The following PCDHA13 variants were observed in gnomAD, a reference collection of about 807,000 sequenced individuals.
PCDHA13 encodes protocadherin alpha-13.
A neutral mutation model predicts 64.8 loss-of-function variants in PCDHA13; 54 were observed. The observed-to-expected ratio is 0.83, with a 90% CI of 0.67 to 1.04. The LOEUF (loss-of-function observed/expected upper bound fraction) is 1.04. PCDHA13 is among the 50% of genes least tolerant of loss of function. The pLI is 0.00. For missense variants in PCDHA13, 1,248 were observed against 1,254.3 expected, an observed-to-expected ratio of 0.99 and a Z score of 0.08; for synonymous variants, 587 against 564.4, an observed-to-expected ratio of 1.04 and a Z score of -0.57.
chr5:140,948,016 C>CTTTTT (rs72028473), intron 1 of PCDHA13, among the ~76,000 whole-genome samples: 13 of 30,044 alleles, frequency 4.3e-4, no homozygotes, highest in Non-Finnish European at 6.9e-4. Context: ...AGGAAGTACC[C>CTTTTT]TTTCTGGTTT....
chr5:140,915,138 G>A (rs139042327), intron 1 of PCDHA13, among the ~76,000 whole-genome samples: 2,353 of 151,838 alleles, frequency 0.015, 60 homozygotes, highest in African/African-American at 0.053. Context: ...TAGTAGAGAC[G>A]GGGTTTCACC....
intron 1 of PCDHA13, among the ~76,000 whole-genome samples, chr5:140,912,626 G>A (rs189482006): frequency 6.6e-6 from 1 of 152,190 alleles, no homozygotes; most frequent in East Asian, 1.9e-4. Context: ...CTCTGGATGA[G>A]ACTTTCAGTA....
intron 1 of PCDHA13, among the ~76,000 whole-genome samples, chr5:140,897,136 A>G (rs1206983852): frequency 6.6e-6 from 1 of 152,096 alleles, no homozygotes; most frequent in Admixed American, 6.5e-5. Context: ...TAAACTTTCT[A>G]GCCTTTGTTA....
In PCDHA13 at chr5:140,904,790, G is replaced by T. The variant is rs139747501; in HGVS notation, c.2394+20128G>T. 2.6e-3 allele frequency among the ~76,000 whole-genome samples: 392 copies of T among 152,018 alleles called. 4 individuals carry two copies. In the East Asian group the frequency reaches 0.045, roughly 17 times the overall value. The stretch of plus-strand genomic sequence containing the variant: ...TGGTATCACATTATTGTTTTAATTT[G>T]CATTTTCCTGATAATTAGTGATGTT... On this transcript the variant is annotated intron_variant, in intron 1 of 3. Coordinates refer to ENST00000289272, the MANE Select transcript of PCDHA13 (RefSeq NM_018904.3).
intron 1 of PCDHA13, chr5:140,968,791 C>G (rs2096270570): frequency 2.5e-6 from 4 of 1,614,076 alleles, no homozygotes; most frequent in Non-Finnish European, 3.4e-6. Flanking sequence ...CCTCTGTGGC[C>G]ATTACAGTAG....
intron 1 of PCDHA13, among the ~76,000 whole-genome samples, chr5:140,940,028 G>C (rs782276273): frequency 3.2e-4 from 48 of 152,048 alleles, no homozygotes; most frequent in Non-Finnish European, 5.4e-4. Context: ...ATGTTTTAAG[G>C]CTATTTTATT....
intron 1 of PCDHA13, among the ~76,000 whole-genome samples, chr5:140,910,364 TATGCCCACCTTGCC>T: frequency 6.6e-6 from 1 of 152,222 alleles, no homozygotes; most frequent in Admixed American, 6.5e-5. Context: ...TTATGGTAGC[TATGCCCACCTTGCC>T]TTTGACAGTT....
At chr5:140,967,331 C>T (rs2096128497) in intron 1 of PCDHA13, 1 of 1,608,078 alleles carries the variant, frequency 6.2e-7, no homozygotes, top group African/African-American at 1.3e-5. Context: ...CGAGCTCAGC[C>T]CCAGCGAGCA....
intron 1 of PCDHA13, among the ~76,000 whole-genome samples, chr5:140,899,689 C>A (rs1033793263): frequency 4.6e-5 from 7 of 152,254 alleles, no homozygotes; most frequent in Admixed American, 4.6e-4. Flanking sequence ...ATGATGCTGG[C>A]CTCATAAAAT....
At chr5:140,967,844 G>A in intron 1 of PCDHA13, 1 of 1,614,178 alleles carries the variant, frequency 6.2e-7, no homozygotes, top group Non-Finnish European at 8.5e-7. Flanking sequence ...GGACGTGAAT[G>A]ACAATGCCCC....
At chr5:141,009,538 C>T (rs1159631714) in intron 3 of PCDHA13, 89 bp from the exon 4 acceptor site, 11 of 1,522,362 alleles carry the variant, frequency 7.2e-6, no homozygotes, top group African/African-American at 1.4e-5. Context: ...GTTCAGCCTG[C>T]CTATGCAGTA....
chr5:141,007,277 C>T (rs2098312243), intron 3 of PCDHA13, among the ~76,000 whole-genome samples: 1 of 151,304 alleles, frequency 6.6e-6, no homozygotes, highest in Non-Finnish European at 1.5e-5. Context: ...AGGCTGGGTG[C>T]AGTGGGCTCA....
chr5:140,927,422 T>G, intron 1 of PCDHA13: 1 of 1,614,028 alleles, frequency 6.2e-7, no homozygotes. Context: ...GGATCGCGGG[T>G]TGACGGCAGC....
chr5:140,916,957 T>C (rs1478651535), intron 1 of PCDHA13, among the ~76,000 whole-genome samples: 1 of 152,224 alleles, frequency 6.6e-6, no homozygotes, highest in African/African-American at 2.4e-5. Context: ...TGCTGAGTTC[T>C]GACTGCTGGG....
At chr5:140,977,356 TA>T (rs2096758024) in intron 1 of PCDHA13, among the ~76,000 whole-genome samples, 1 of 152,250 alleles carries the variant, frequency 6.6e-6, no homozygotes, top group South Asian at 2.1e-4. Flanking sequence ...GACTGATTGA[TA>T]AAAAGTATTT....
intron 1 of PCDHA13, among the ~76,000 whole-genome samples, chr5:140,909,031 A>G (rs782567758): frequency 7.9e-5 from 12 of 152,106 alleles, no homozygotes; most frequent in Non-Finnish European, 1.6e-4. Flanking sequence ...TTAGTCATTT[A>G]TTTTCCATAC....
intron 1 of PCDHA13, among the ~76,000 whole-genome samples, chr5:140,904,695 G>A (rs1276696069): frequency 2.0e-5 from 3 of 152,024 alleles, no homozygotes; most frequent in Admixed American, 2.0e-4. Flanking sequence ...GTGTAAAATT[G>A]TTCCCTTTTC....
intron 1 of PCDHA13, among the ~76,000 whole-genome samples, chr5:140,921,194 A>T (rs187774850): frequency 1.3e-5 from 2 of 152,046 alleles, no homozygotes; most frequent in Admixed American, 1.3e-4. Context: ...TTCACAATAG[A>T]TTGACAACGA....
chr5:140,927,317 G>T (rs782172424), intron 1 of PCDHA13: 3 of 1,614,146 alleles, frequency 1.9e-6, no homozygotes, highest in Admixed American at 1.7e-5. Flanking sequence ...CCCGGAGCCC[G>T]CTTTACTCTC....
Sources: allele counts gnomAD v4.1 joint callset (sites outside exome capture counted in the v4.1 genomes callset), GRCh38; gene constraint gnomAD v4.1.1; transcripts MANE v1.5; gene names NCBI Gene and HGNC (gene_info 2026-07-23, HGNC 2026-07-21).